The following CNTNAP2 variants were observed in gnomAD, a reference collection of about 807,000 sequenced individuals.
CNTNAP2 encodes contactin-associated protein-like 2.
Under a neutral mutation model 155.2 loss-of-function variants are expected in CNTNAP2, and 98 were observed. The ratio of observed to expected loss-of-function variants is 0.63; its 90% CI spans 0.54 to 0.75. CNTNAP2 has a LOEUF of 0.75. CNTNAP2 is among the 30% of genes least tolerant of loss of function. CNTNAP2 has a pLI of 0.00. For missense variants in CNTNAP2, 1,727 were observed against 1,688.1 expected (o/e 1.02, Z -0.40); for synonymous variants, 651 against 631.2 (o/e 1.03, Z -0.47).
intron 8 of CNTNAP2, among the ~76,000 whole-genome samples, chr7:147,218,933 C>G (rs138872588): frequency 2.6e-3 from 403 of 152,214 alleles, no homozygotes; most frequent in African/African-American, 9.1e-3. Context: ...GTTAAGAATT[C>G]TTATTATCAT....
intron 1 of CNTNAP2, among the ~76,000 whole-genome samples, chr7:146,633,216 C>G (rs139037889): frequency 0.014 from 2,113 of 152,264 alleles, 35 homozygotes; most frequent in Middle Eastern, 0.051. Flanking sequence ...TCAAGATCTA[C>G]CAAATACTTC....
At chr7:146,428,771 A>G (rs1051761227) in intron 1 of CNTNAP2, among the ~76,000 whole-genome samples, 2 of 151,674 alleles carry the variant, frequency 1.3e-5, no homozygotes, top group Non-Finnish European at 2.9e-5. Context: ...CCACTTGTCA[A>G]TTTTTGCTTT....
intron 12 of CNTNAP2, among the ~76,000 whole-genome samples, chr7:147,596,470 T>G (rs1800829069): frequency 6.6e-6 from 1 of 152,098 alleles, no homozygotes; most frequent in Admixed American, 6.6e-5. Context: ...AATTCGATTG[T>G]TTTGCTTCCC....
intron 20 of CNTNAP2, among the ~76,000 whole-genome samples, chr7:148,242,885 T>C (rs780611178): frequency 6.6e-6 from 1 of 152,200 alleles, no homozygotes; most frequent in African/African-American, 2.4e-5. Flanking sequence ...TTGCATCCTT[T>C]CCCCAGTGGT....
At chr7:148,011,667 G>A (rs573887322) in intron 15 of CNTNAP2, among the ~76,000 whole-genome samples, 5 of 152,172 alleles carry the variant, frequency 3.3e-5, no homozygotes, top group Non-Finnish European at 7.3e-5. Flanking sequence ...TTATACACGT[G>A]CTTTGATACA....
At chr7:146,177,057 T>C (rs1232443628) in intron 1 of CNTNAP2, among the ~76,000 whole-genome samples, 1 of 152,200 alleles carries the variant, frequency 6.6e-6, no homozygotes, top group Non-Finnish European at 1.5e-5. Context: ...CCATGGATTC[T>C]GTTGTCTTTC....
chr7:146,334,303 C>T (rs1287740326), intron 1 of CNTNAP2, among the ~76,000 whole-genome samples: 9 of 151,966 alleles, frequency 5.9e-5, no homozygotes, highest in African/African-American at 2.2e-4. Context: ...TGGTGGCAGG[C>T]GCCTGTAGTC....
chr7:146,892,587 C>T (rs1051604357), intron 3 of CNTNAP2, among the ~76,000 whole-genome samples: 18 of 152,142 alleles, frequency 1.2e-4, no homozygotes, highest in African/African-American at 4.3e-4. Flanking sequence ...AGCCAACATG[C>T]ATCAAATTTC....
chr7:147,398,748 G>A (rs997693513), intron 10 of CNTNAP2, among the ~76,000 whole-genome samples: 3 of 147,094 alleles, frequency 2.0e-5, no homozygotes, highest in Non-Finnish European at 4.5e-5. Flanking sequence ...CATACTAGAT[G>A]TCATGCTATT....
chr7:147,269,402 G>T (rs1804689478), intron 8 of CNTNAP2, among the ~76,000 whole-genome samples: 1 of 152,078 alleles, frequency 6.6e-6, no homozygotes, highest in Non-Finnish European at 1.5e-5. Context: ...AACCATGTTG[G>T]ATATATAATG....
intron 13 of CNTNAP2, among the ~76,000 whole-genome samples, chr7:147,856,013 A>C (rs1239787844): frequency 6.6e-6 from 1 of 152,146 alleles, no homozygotes; most frequent in African/African-American, 2.4e-5. Flanking sequence ...TCAATAAAGA[A>C]TTGGTTTTTC....
intron 11 of CNTNAP2, among the ~76,000 whole-genome samples, chr7:147,527,501 G>A (rs1440949925): frequency 6.6e-6 from 1 of 152,180 alleles, no homozygotes; most frequent in South Asian, 2.1e-4. Context: ...TCAAGAAAAT[G>A]TATACATACT....
chr7:146,304,110 T>TC (rs1800664406), intron 1 of CNTNAP2, among the ~76,000 whole-genome samples: 2 of 150,862 alleles, frequency 1.3e-5, no homozygotes, highest in Admixed American at 6.6e-5. Flanking sequence ...TTTTTTTTTT[T>TC]CCATTTGCTT....
chr7:146,891,186 C>A (rs1291057696), intron 3 of CNTNAP2, among the ~76,000 whole-genome samples: 16 of 152,064 alleles, frequency 1.1e-4, no homozygotes, highest in Admixed American at 1.1e-3. Context: ...TACGTGAGAG[C>A]TAAGCATTGG....
At chr7:146,430,049 C>A (rs754913203) in intron 1 of CNTNAP2, among the ~76,000 whole-genome samples, 5 of 152,104 alleles carry the variant, frequency 3.3e-5, no homozygotes, top group African/African-American at 4.8e-5. Flanking sequence ...ATTGAACCAA[C>A]CTTGCATCCT....
chr7:147,613,533 T>C lies in CNTNAP2; in HGVS notation c.1898-25573T>C, dbSNP rs183827044. On this transcript the variant is annotated intron_variant, in intron 12 of 23. Coordinates refer to ENST00000361727, the MANE Select transcript of CNTNAP2 (RefSeq NM_014141.6). ...TCCCATTAGAGTGCTTTTCTTACAC[T>C]TTCTTTAAGAAATAATAGAAAAAGC... Among the ~76,000 whole-genome samples the C allele has an allele frequency of 1.3e-3, 199 of 152,220 alleles. 1 individual carries two copies. The highest frequency in any genetic ancestry group is 2.7e-3 in the South Asian group (13 of 4,820).
chr7:146,332,939 C>CTTTTTTTTTTTTT (rs1256959883), intron 1 of CNTNAP2, among the ~76,000 whole-genome samples: 1 of 118,688 alleles, frequency 8.4e-6, no homozygotes. Flanking sequence ...TTTTCTTCTT[C>CTTTTTTTTTTTTT]TATTTTTTTT....
chr7:147,718,350 C>T (rs1459855836), intron 13 of CNTNAP2, among the ~76,000 whole-genome samples: 1 of 152,124 alleles, frequency 6.6e-6, no homozygotes, highest in Non-Finnish European at 1.5e-5. Flanking sequence ...TACATGGAAA[C>T]ACTCTTAAGG....
chr7:147,475,128 A>C (rs1203696104), intron 10 of CNTNAP2, among the ~76,000 whole-genome samples: 3 of 152,160 alleles, frequency 2.0e-5, no homozygotes, highest in Admixed American at 6.5e-5. Context: ...ATTTATTACT[A>C]AGTTTCTAAC....
Sources: gnomAD v4.1 joint callset for allele counts (sites outside exome capture counted in the v4.1 genomes callset) on GRCh38, gnomAD v4.1.1 for gene constraint, MANE v1.5 for transcripts, NCBI Gene and HGNC (gene_info 2026-07-23, HGNC 2026-07-21) for gene names.